Variants in FBN2 observed in about 807,000 individuals in gnomAD.
FBN2 encodes fibrillin 2, also known as fibrillin-2.
A neutral mutation model predicts 355.6 loss-of-function variants in FBN2; 105 were observed. That is an observed-to-expected ratio of 0.30 (90% CI 0.25 to 0.35). The LOEUF is 0.35. FBN2 is among the 10% of genes least tolerant of loss of function. FBN2 has a pLI of 1.00. For synonymous variants in FBN2, 1,350 were observed against 1,301.2 expected (o/e 1.04, Z -0.81); for missense variants, 3,280 against 3,758.7 (o/e 0.87, Z 3.33).
rs70997371 is a variant in FBN2, at chr5:128,455,990, CAAAAAAAAAAAAAAAAAAAA to C, written c.826+8714_826+8733del. ...GAGCTCCTTGGGGGAGGGTTAGCAA[CAAAAAAAAAAAAAAAAAAAA>C]AAAAAAAAAAAAAGCAACTGCTGAA... On this transcript the variant is annotated intron_variant, in intron 6 of 64. Coordinates refer to ENST00000262464, the MANE Select transcript of FBN2 (RefSeq NM_001999.4). 4.4e-4 allele frequency among the ~76,000 whole-genome samples: 11 copies of C among 25,276 alleles called. No homozygotes were observed. In the Admixed American group the frequency reaches 6.2e-3, roughly 14 times the overall value. 16.6% of individuals were successfully genotyped at this position (25,276 alleles called of 152,430 possible).
chr5:128,335,147 T>G, intron 30 of FBN2, 23 bp downstream of exon 30: 1 of 1,614,022 alleles, frequency 6.2e-7, no homozygotes, highest in Non-Finnish European at 8.5e-7. Context: ...GTATAAATGT[T>G]TATCCTTTCT....
At chr5:128,363,167 C>A (rs1381685616) in intron 18 of FBN2, among the ~76,000 whole-genome samples, 1 of 151,864 alleles carries the variant, frequency 6.6e-6, no homozygotes, top group East Asian at 1.9e-4. Flanking sequence ...TTTCTCCACT[C>A]CCCTTCCCTC....
At chr5:128,349,579 G>A in intron 22 of FBN2, 107 bp from the exon 23 acceptor site, 1 of 1,302,446 alleles carries the variant, frequency 7.7e-7, no homozygotes, top group Non-Finnish European at 1.1e-6. Context: ...AATACAATGT[G>A]GATTATTACT....
intron 25 of FBN2, chr5:128,339,264 AGTGGTGCC>A: frequency 1.8e-6 from 1 of 561,598 alleles, no homozygotes; most frequent in South Asian, 1.9e-5. Flanking sequence ...CCAACAGGCA[AGTGGTGCC>A]TTTTCACCTT....
At chr5:128,511,057 G>A (rs1236895515) in intron 5 of FBN2, among the ~76,000 whole-genome samples, 1 of 152,108 alleles carries the variant, frequency 6.6e-6, no homozygotes, top group African/African-American at 2.4e-5. Flanking sequence ...ATTTATCATA[G>A]TAAAAGTTCA....
In FBN2 at chr5:128,257,989, T is replaced by A. The variant is rs979017345; in HGVS notation, c.*1466A>T. On this transcript the variant is annotated 3_prime_UTR_variant, in exon 65 of 65. Transcript: ENST00000262464. ...CAAAAACAAACAAAACCAAAAACCA[T>A]AAGTTTTTCCTCACAAACTCTTGAT... is the stretch of plus-strand genomic sequence containing the variant. 1 of 152,412 alleles carries A rather than the reference T, an allele frequency of 6.6e-6. No individual in the cohort carries two copies. The highest frequency in any genetic ancestry group is 1.5e-5 in the Non-Finnish European group (1 of 68,014). The allele number at this position is 152,412 out of a possible 1,614,324, so 9.4% of individuals were successfully genotyped here.
intron 53 of FBN2, 86 bp downstream of exon 53, chr5:128,288,352 T>C: frequency 2.7e-6 from 4 of 1,476,776 alleles, no homozygotes; most frequent in Non-Finnish European, 3.7e-6. Flanking sequence ...CAGCAGAATA[T>C]CAGAAGCAAT....
At chr5:128,301,238 A>C (rs1271136009) in intron 47 of FBN2, 144 bp downstream of exon 47, 6 of 832,754 alleles carry the variant, frequency 7.2e-6, no homozygotes, top group Non-Finnish European at 1.2e-5. Flanking sequence ...CTTATACTAA[A>C]ATTTTCCATC....
At chr5:128,531,724 A>T (rs1005226841) in intron 2 of FBN2, among the ~76,000 whole-genome samples, 1 of 145,516 alleles carries the variant, frequency 6.9e-6, no homozygotes, top group African/African-American at 2.5e-5. Context: ...GTATGTGTGT[A>T]TATATATATA....
intron 34 of FBN2, among the ~76,000 whole-genome samples, chr5:128,325,934 T>C (rs181915093): frequency 6.6e-6 from 1 of 152,342 alleles, no homozygotes; most frequent in Non-Finnish European, 1.5e-5. Flanking sequence ...ATAGCTCTTA[T>C]AATCTCTACA....
chr5:128,265,579 A>G (rs954737006), intron 62 of FBN2, among the ~76,000 whole-genome samples: 1 of 152,196 alleles, frequency 6.6e-6, no homozygotes, highest in Non-Finnish European at 1.5e-5. Flanking sequence ...ACTAAAACAC[A>G]AAGTCTTCAT....
chr5:128,474,624 T>C (rs79617628), intron 5 of FBN2, among the ~76,000 whole-genome samples: 18,372 of 152,204 alleles, frequency 0.12, 1,242 homozygotes, highest in African/African-American at 0.18. Flanking sequence ...ATGGATTCCA[T>C]GTAGTATTTT....
At chr5:128,518,030 G>A (rs1262370778) in intron 5 of FBN2, among the ~76,000 whole-genome samples, 1 of 152,146 alleles carries the variant, frequency 6.6e-6, no homozygotes, top group Non-Finnish European at 1.5e-5. Flanking sequence ...TCATGAAACT[G>A]TTTACCATCA....
chr5:128,449,195 G>T (rs1331167301), intron 6 of FBN2, among the ~76,000 whole-genome samples: 2 of 150,342 alleles, frequency 1.3e-5, no homozygotes, highest in African/African-American at 4.9e-5. Flanking sequence ...ACACATAGAA[G>T]TAAAAAGCAT....
chr5:128,468,000 G>A (rs900141166), intron 5 of FBN2, among the ~76,000 whole-genome samples: 1 of 152,096 alleles, frequency 6.6e-6, no homozygotes, highest in Admixed American at 6.5e-5. Flanking sequence ...CCTGTTTTAA[G>A]TGTAAAATTC....
chr5:128,537,334 C>T lies in FBN2; in HGVS notation c.254+16G>A. ...CCAAGCCGGAGCCCTAGGTGCGGAG[C>T]CGCTTGCCCACTTACCCTCGGAGCA... On this transcript the variant is annotated intron_variant, in intron 1 of 64. Transcript: ENST00000262464. 5 of 1,609,158 alleles carry T rather than the reference C, an allele frequency of 3.1e-6. No homozygotes were observed. Among genetic ancestry groups the T allele is most frequent in the South Asian group, 2.2e-5 (2 of 90,856 alleles).
chr5:128,463,426 TCA>T (rs1378610307), intron 6 of FBN2, among the ~76,000 whole-genome samples: 1 of 152,164 alleles, frequency 6.6e-6, no homozygotes, highest in Non-Finnish European at 1.5e-5. Flanking sequence ...AGTCCACAGC[TCA>T]CATATGTGAG....
chr5:128,420,356 T>C (rs1753314732), intron 7 of FBN2, among the ~76,000 whole-genome samples: 1 of 152,212 alleles, frequency 6.6e-6, no homozygotes, highest in African/African-American at 2.4e-5. Flanking sequence ...TAAAAACTTT[T>C]TCCTCTAATA....
chr5:128,418,086 C>A (rs1371140814), intron 7 of FBN2, among the ~76,000 whole-genome samples: 1 of 152,032 alleles, frequency 6.6e-6, no homozygotes, highest in Non-Finnish European at 1.5e-5. Context: ...TTATCTATTT[C>A]TTCTAGACTT....
Sources: allele counts gnomAD v4.1 joint callset (sites outside exome capture counted in the v4.1 genomes callset), GRCh38; gene constraint gnomAD v4.1.1; transcripts MANE v1.5; gene names NCBI Gene and HGNC (gene_info 2026-07-23, HGNC 2026-07-21).